Variants in QRICH2 observed in about 807,000 individuals in gnomAD.
QRICH2 encodes glutamine rich 2.
Under a neutral mutation model 168.3 loss-of-function variants are expected in QRICH2, and 119 were observed. The ratio of observed to expected loss-of-function variants is 0.71; its 90% CI spans 0.61 to 0.82. QRICH2 has a LOEUF of 0.82. Among genes scored for constraint, QRICH2 ranks in the 40% least tolerant of loss-of-function variants. QRICH2 has a pLI of 0.00. For missense variants in QRICH2, 2,241 were observed against 2,491.6 expected, an observed-to-expected ratio of 0.90 and a Z score of 2.14; for synonymous variants, 894 against 951.2, an observed-to-expected ratio of 0.94 and a Z score of 1.11.
rs935769670 is a variant in QRICH2, at chr17:76,307,440, C to T, written c.534+25G>A. ...CGGCCTGGAGGAGGCAGACGGCCTG[C>T]GCGTGCCTCCGTGTGCGTGCTCACC... On this transcript the variant is annotated intron_variant, in intron 1 of 18. Transcript: ENST00000680821. This position sits in a 1 kb window ranked among gnomAD's most constrained non-coding sequence, Gnocchi z 5.3. 5.0e-6 allele frequency: 8 copies of T among 1,612,268 alleles called. No individual in the cohort carries two copies. The African/African-American group carries it at 5.3e-5, about 11-fold the overall frequency.
chr17:76,286,930 T>G (rs147924282), intron 7 of QRICH2, among the ~76,000 whole-genome samples: 2,295 of 150,226 alleles, frequency 0.015, 66 homozygotes, highest in African/African-American at 0.054. Context: ...AAACAGGTGT[T>G]GTAGGGGTTC....
At chr17:76,296,709 C>T (rs748593385) in intron 3 of QRICH2, among the ~76,000 whole-genome samples, 2 of 143,104 alleles carry the variant, frequency 1.4e-5, no homozygotes, top group South Asian at 4.5e-4. Flanking sequence ...ACCCAGGAGG[C>T]GGAGGTTGCA....
intron 5 of QRICH2, among the ~76,000 whole-genome samples, chr17:76,289,402 G>A (rs1490708259): frequency 6.6e-6 from 1 of 151,800 alleles, no homozygotes; most frequent in African/African-American, 2.4e-5. Flanking sequence ...GCCCAGGCTG[G>A]TCTCGAGCTC....
In QRICH2 at chr17:76,298,481, G is replaced by C. The variant is rs549676389; in HGVS notation, c.706-4460C>G. On this transcript the variant is annotated intron_variant, in intron 3 of 18. Transcript: ENST00000680821. ...GGCATGAGCCACTGCCCCCGGCCAC[G>C]TGACCTTTTAAAAACTTTTTGTAGA... 3.3e-5 allele frequency among the ~76,000 whole-genome samples: 5 copies of C among 152,060 alleles called. 1 individual carries two copies. The highest frequency in any genetic ancestry group is 1.2e-4 in the African/African-American group (5 of 41,518).
intron 3 of QRICH2, among the ~76,000 whole-genome samples, chr17:76,296,128 C>G (rs1280888347): frequency 6.6e-6 from 1 of 151,922 alleles, no homozygotes; most frequent in Non-Finnish European, 1.5e-5. Flanking sequence ...GAGGCTGAGG[C>G]AGGAGAATTG....
At chr17:76,287,444 T>G (rs1338009136) in intron 6 of QRICH2, 138 bp from the exon 7 acceptor site, 2 of 688,760 alleles carry the variant, frequency 2.9e-6, no homozygotes, top group Non-Finnish European at 5.2e-6. Flanking sequence ...GGATTTTGTC[T>G]AGGGAGTCCC....
Position 76,280,491 on chromosome 17 carries a change from G to A in QRICH2, c.4462-40C>T. ...ACAGAGGTCCCCGCATCTGGGAGAT[G>A]GCCATGGAGGGGCCCCATTCCCTGG... On this transcript the variant is annotated intron_variant, in intron 10 of 18. Transcript: ENST00000680821. The surrounding 1 kb of genome is among the most constrained non-coding windows in gnomAD (Gnocchi z 7.4). 1 of 1,606,968 alleles carries A rather than the reference G, an allele frequency of 6.2e-7. No individual in the cohort carries two copies. The highest frequency in any genetic ancestry group is 1.3e-5 in the African/African-American group (1 of 74,958).
At chr17:76,295,332 G>A (rs2070778731) in intron 3 of QRICH2, among the ~76,000 whole-genome samples, 1 of 151,962 alleles carries the variant, frequency 6.6e-6, no homozygotes, top group African/African-American at 2.4e-5. Context: ...TGATAAAAGT[G>A]TATACTGGAA....
chr17:76,275,556 T>C (rs980673666), intron 18 of QRICH2, among the ~76,000 whole-genome samples: 3 of 152,232 alleles, frequency 2.0e-5, no homozygotes, highest in Non-Finnish European at 4.4e-5. Context: ...GGCAAGGGCA[T>C]GGACCTGGAG....
At chr17:76,302,313 CA>C (rs1306655343) in intron 3 of QRICH2, among the ~76,000 whole-genome samples, 1 of 150,132 alleles carries the variant, frequency 6.7e-6, no homozygotes, top group Non-Finnish European at 1.5e-5. Flanking sequence ...ACCCCACCCC[CA>C]CCTCTGTAGC....
chr17:76,303,019 G>T (rs1036943105), intron 3 of QRICH2, among the ~76,000 whole-genome samples: 1 of 151,942 alleles, frequency 6.6e-6, no homozygotes, highest in Non-Finnish European at 1.5e-5. Context: ...GAGTAACTGC[G>T]ATTACAGGTG....
upstream of QRICH2, chr17:76,308,345 G>A (rs1007488330): frequency 1.3e-4 from 131 of 985,320 alleles, no homozygotes; most frequent in Non-Finnish European, 1.6e-4. Flanking sequence ...AGCCACGGGG[G>A]CGGGGGGAAG....
intron 3 of QRICH2, among the ~76,000 whole-genome samples, chr17:76,300,200 G>A (rs978590243): frequency 4.6e-5 from 7 of 152,102 alleles, no homozygotes; most frequent in African/African-American, 1.7e-4. Context: ...TCAGGGTGAT[G>A]GCGGCAGACA....
At chr17:76,286,659 G>T (rs548370038) in intron 7 of QRICH2, among the ~76,000 whole-genome samples, 2 of 152,150 alleles carry the variant, frequency 1.3e-5, no homozygotes, top group East Asian at 1.9e-4. Context: ...TCATAAAAAA[G>T]ATAGGGAAAG....
chr17:76,297,877 T>TTTTTTTTTTG, intron 3 of QRICH2, among the ~76,000 whole-genome samples: 1 of 69,598 alleles, frequency 1.4e-5, no homozygotes, highest in Non-Finnish European at 2.5e-5. Context: ...TCTGTTTTTT[T>TTTTTTTTTTG]TTTTTTTTTT....
Position 76,308,149 on chromosome 17 carries a change from G to T in QRICH2, c.-151C>A. ...GGCCGAGTCACTGGACAGAGCTCCT[G>T]CCTCCAGGGAATCTGCGCCTCCGCT... On this transcript the variant is annotated 5_prime_UTR_variant, in exon 1 of 19. Transcript: ENST00000680821. 1.0e-6 allele frequency: 1 copy of T among 985,334 alleles called. No homozygotes were observed. The highest frequency in any genetic ancestry group is 1.2e-6 in the Non-Finnish European group (1 of 829,888). 61.0% of individuals were successfully genotyped at this position (985,334 alleles called of 1,614,324 possible). A position where few individuals can be genotyped will look rare whatever the true frequency, so the allele number is the denominator to read the frequency against.
At position 76,280,976 on chromosome 17, in the gene QRICH2, G is replaced by A; in HGVS notation, c.4264-23C>T. The A allele has an allele frequency of 1.2e-6, 2 of 1,602,280 alleles. No homozygotes were observed. Among genetic ancestry groups the A allele is most frequent in the East Asian group, 2.2e-5 (1 of 44,844 alleles). On this transcript the variant is annotated intron_variant, in intron 8 of 18. Transcript: ENST00000680821. The surrounding 1 kb of genome is among the most constrained non-coding windows in gnomAD (Gnocchi z 7.4). ...GTCCTGCGGCAGGAGGGATGGGAAGGCTCTCGGAGGCTGCTGGCGCGATCC... is the reference window on the plus strand; with the variant it reads ...GTCCTGCGGCAGGAGGGATGGGAAGACTCTCGGAGGCTGCTGGCGCGATCC...
chr17:76,301,872 TTG>T (rs139933188), intron 3 of QRICH2, among the ~76,000 whole-genome samples: 35,070 of 135,314 alleles, frequency 0.26, 5,397 homozygotes, highest in Non-Finnish European at 0.35. Context: ...CTGGCTAATT[TTG>T]TGTGTGTGTG....
At chr17:76,295,101 T>A (rs867597389) in intron 3 of QRICH2, among the ~76,000 whole-genome samples, 68 of 150,592 alleles carry the variant, frequency 4.5e-4, no homozygotes, top group African/African-American at 1.6e-3. Context: ...AATAAATAAA[T>A]AAATAAAATT....
Sources: gnomAD v4.1 joint callset for allele counts (sites outside exome capture counted in the v4.1 genomes callset) on GRCh38, gnomAD v4.1.1 for gene constraint, Gnocchi (gnomAD v3.1) non-coding constraint, MANE v1.5 for transcripts, NCBI Gene and HGNC (gene_info 2026-07-23, HGNC 2026-07-21) for gene names.